HCN4: variants seen among roughly 807,000 people sequenced by gnomAD.
HCN4 encodes potassium/sodium hyperpolarization-activated cyclic nucleotide-gated channel 4.
HCN4 carries 29 observed loss-of-function variants against 76.9 expected under a neutral mutation model. The ratio of observed to expected loss-of-function variants is 0.38; its 90% CI spans 0.28 to 0.51. The LOEUF is 0.51. HCN4 is among the 20% of genes least tolerant of loss of function. The pLI is 0.90. For missense variants in HCN4, 1,416 were observed against 1,715.2 expected (o/e 0.83, Z 3.08); for synonymous variants, 772 against 762.5 (o/e 1.01, Z -0.21).
intron 2 of HCN4, among the ~76,000 whole-genome samples, chr15:73,334,137 G>A (rs1415590914): frequency 1.3e-5 from 2 of 151,696 alleles, no homozygotes; most frequent in African/African-American, 4.8e-5. Flanking sequence ...TGGTGTAGAC[G>A]GTGCTGTGTG....
At chr15:73,346,051 C>A (rs968497857) in intron 1 of HCN4, among the ~76,000 whole-genome samples, 1 of 152,228 alleles carries the variant, frequency 6.6e-6, no homozygotes, top group Non-Finnish European at 1.5e-5. Context: ...ACACCCATTT[C>A]CTCGCACTCT....
Position 73,343,178 on chromosome 15 carries a change from G to A in HCN4, c.1209+207C>T, listed in dbSNP as rs1384215496. Among the ~76,000 whole-genome samples, 1 of 152,168 alleles carries A rather than the reference G, an allele frequency of 6.6e-6. No individual in the cohort carries two copies. Among genetic ancestry groups the A allele is most frequent in the East Asian group, 1.9e-4 (1 of 5,194 alleles). ...ATGTACCTATATGGTTCCCTCTATAGCTGTTACACACTTCATTGAGATACT... is the reference window on the plus strand; with the variant it reads ...ATGTACCTATATGGTTCCCTCTATAACTGTTACACACTTCATTGAGATACT... On this transcript the variant is annotated intron_variant, in intron 2 of 7. Transcript: ENST00000261917. The surrounding 1 kb of genome is among the most constrained non-coding windows in gnomAD (Gnocchi z 5.7).
At chr15:73,324,319 C>G in intron 6 of HCN4, 66 bp from the exon 7 acceptor site, 2 of 1,561,348 alleles carry the variant, frequency 1.3e-6, no homozygotes, top group South Asian at 2.3e-5. Context: ...GACTGCCCAC[C>G]CTGACCTTGG....
At chr15:73,366,568 C>T (rs1244190495) in intron 1 of HCN4, among the ~76,000 whole-genome samples, 4 of 152,210 alleles carry the variant, frequency 2.6e-5, no homozygotes, top group East Asian at 1.9e-4. Context: ...CTAGAAACAA[C>T]CAACAATCCC....
At chr15:73,337,568 T>G (rs545557366) in intron 2 of HCN4, among the ~76,000 whole-genome samples, 43 of 152,340 alleles carry the variant, frequency 2.8e-4, no homozygotes, top group African/African-American at 1.0e-3. Flanking sequence ...ATCGCCTTTA[T>G]CTTTTCATTA....
At chr15:73,349,397 C>G (rs1309413519) in intron 1 of HCN4, among the ~76,000 whole-genome samples, 1 of 152,054 alleles carries the variant, frequency 6.6e-6, no homozygotes, top group Admixed American at 6.6e-5. Flanking sequence ...GCCCATTTTA[C>G]AGATGAGGAG....
chr15:73,343,901 G>C lies in HCN4; in HGVS notation c.786-93C>G. ...GATCTGAGGGACAGCATCTGGGACA[G>C]AGAAGTCTTGGGAGGTTCTGAGACA... On this transcript the variant is annotated intron_variant, in intron 1 of 7. Coordinates refer to ENST00000261917, the MANE Select transcript of HCN4 (RefSeq NM_005477.3). The surrounding 1 kb of genome is among the most constrained non-coding windows in gnomAD (Gnocchi z 5.7). The C allele has an allele frequency of 7.3e-7, 1 of 1,377,718 alleles. No individual in the cohort carries two copies. The highest frequency in any genetic ancestry group is 1.0e-6 in the Non-Finnish European group (1 of 974,628). 85.3% of individuals were successfully genotyped at this position (1,377,718 alleles called of 1,614,324 possible). A position where few individuals can be genotyped will look rare whatever the true frequency, so the allele number is the denominator to read the frequency against.
rs112858718 is a variant in HCN4, at chr15:73,353,534, A to C, written c.786-9726T>G. On this transcript the variant is annotated intron_variant, in intron 1 of 7. Transcript: ENST00000261917. ...ACACAGACACGTGACACGCATGAGGATGCCTTTCCTGCCTCCCCTCCTCAC... is the reference window on the plus strand; with the variant it reads ...ACACAGACACGTGACACGCATGAGGCTGCCTTTCCTGCCTCCCCTCCTCAC... 5.5e-3 allele frequency among the ~76,000 whole-genome samples: 842 copies of C among 152,256 alleles called. 4 individuals carry two copies. Among genetic ancestry groups the C allele is most frequent in the Non-Finnish European group, 8.4e-3 (571 of 68,016 alleles).
chr15:73,342,449 G>A (rs1324294399), intron 2 of HCN4: 1 of 152,300 alleles, frequency 6.6e-6, no homozygotes, highest in Non-Finnish European at 1.5e-5. Context: ...AACTGCTTTG[G>A]CTGTGAGTGC....
intron 1 of HCN4, among the ~76,000 whole-genome samples, chr15:73,348,157 A>G (rs976153949): frequency 1.3e-5 from 2 of 152,344 alleles, no homozygotes; most frequent in Non-Finnish European, 2.9e-5. Context: ...TGAGGAAGAC[A>G]TGACAGGAGG....
chr15:73,331,212 A>C (rs2042930460), intron 3 of HCN4, among the ~76,000 whole-genome samples: 1 of 152,120 alleles, frequency 6.6e-6, no homozygotes, highest in African/African-American at 2.4e-5. Flanking sequence ...ACTCTGCCCT[A>C]TGGCTTCCGA....
intron 4 of HCN4, among the ~76,000 whole-genome samples, chr15:73,327,771 C>G (rs2042909595): frequency 6.6e-6 from 1 of 152,152 alleles, no homozygotes; most frequent in South Asian, 2.1e-4. Flanking sequence ...ATCCTGATGC[C>G]TGGCCTAGAA....
intron 4 of HCN4, among the ~76,000 whole-genome samples, chr15:73,326,245 G>A (rs998781884): frequency 5.3e-5 from 8 of 152,154 alleles, no homozygotes; most frequent in Admixed American, 2.6e-4. Context: ...ATGGGAAGTA[G>A]AGGAAGTCCC....
At position 73,325,361 on chromosome 15, in the gene HCN4, G is replaced by C. The variant is rs201337528; in HGVS notation, c.1674C>G (p.Arg558=). 1.9e-6 allele frequency: 3 copies of C among 1,614,014 alleles called. No individual in the cohort carries two copies. Among genetic ancestry groups the C allele is most frequent in the Non-Finnish European group, 2.5e-6 (3 of 1,180,006 alleles). Residue 558 remains arginine (R), a synonymous_variant, in exon 5 of 8, where the codon CGC becomes CGG. Coordinates refer to ENST00000261917, the MANE Select transcript of HCN4 (RefSeq NM_005477.3). This position sits in a 1 kb window ranked among gnomAD's most constrained non-coding sequence, Gnocchi z 7.4. The part of the protein sequence containing the change: ...RQRIHDYYEH[R]YQGKMFDEES... The stretch of plus-strand genomic sequence containing the variant: ...CCTCGTCGAACATCTTGCCCTGGTA[G>C]CGGTGCTCGTAGTAGTCGTGGATGC...
At chr15:73,332,326 G>C (rs779418178) in intron 2 of HCN4, 34 bp from the exon 3 acceptor site, 1 of 1,612,016 alleles carries the variant, frequency 6.2e-7, no homozygotes, top group Admixed American at 1.7e-5. Context: ...GGCTGGGATA[G>C]GTGAGTGGCC....
intron 6 of HCN4, 132 bp downstream of exon 6, chr15:73,324,823 C>T (rs2042888890): frequency 3.6e-6 from 4 of 1,123,524 alleles, no homozygotes; most frequent in Non-Finnish European, 5.1e-6. Context: ...GACACCCCTA[C>T]CCTGGGCTCA....
At chr15:73,332,010 C>G (rs996479843) in intron 3 of HCN4, 121 bp downstream of exon 3, 2 of 951,024 alleles carry the variant, frequency 2.1e-6, no homozygotes, top group Non-Finnish European at 3.4e-6. Context: ...CCCCCTCAGC[C>G]CCAGGCAGCA....
chr15:73,334,602 AG>A (rs2042951366), intron 2 of HCN4, among the ~76,000 whole-genome samples: 1 of 151,956 alleles, frequency 6.6e-6, no homozygotes, highest in South Asian at 2.1e-4. Flanking sequence ...CTAAGACACC[AG>A]GGGTTTGGGG....
Position 73,323,163 on chromosome 15 carries a change from T to C in HCN4, c.2930A>G (p.Gln977Arg). ...ACCTAGGGACAACTCCCCGGGAGGC[T>C]GGCCCAGCTGCCCGGGGCTAGATGA... is the stretch of plus-strand genomic sequence containing the variant. ...SPSSSPGQLG[Q>R]PPGELSLGLA... The change falls in exon 8 of 8, where the codon CAG (glutamine) becomes CGG (arginine). Residue 977 changes from glutamine (Q) to arginine (R), a missense_variant. Coordinates refer to ENST00000261917, the MANE Select transcript of HCN4 (RefSeq NM_005477.3). 3 of 1,564,658 alleles carry C rather than the reference T, an allele frequency of 1.9e-6. No homozygotes were observed. The highest frequency in any genetic ancestry group is 2.7e-5 in the African/African-American group (2 of 73,386).
Sources: allele counts gnomAD v4.1 joint callset (sites outside exome capture counted in the v4.1 genomes callset), GRCh38; gene constraint gnomAD v4.1.1; non-coding constraint Gnocchi (gnomAD v3.1); transcripts MANE v1.5; gene names NCBI Gene and HGNC (gene_info 2026-07-23, HGNC 2026-07-21).